CHLSN: variants seen among roughly 807,000 people sequenced by gnomAD.
CHLSN encodes cholesin.
chr7:1,092,245 C>T, the CHLSN span: 1 of 1,612,510 alleles, frequency 6.2e-7, no homozygotes, highest in Non-Finnish European at 8.5e-7. Flanking sequence ...CACCAAGCAC[C>T]ACGCCCGGCT....
At chr7:1,132,574 G>T in the CHLSN span, among the ~76,000 whole-genome samples, 1 of 151,782 alleles carries the variant, frequency 6.6e-6, no homozygotes, top group Non-Finnish European at 1.5e-5. Flanking sequence ...CACACCTGTA[G>T]TCCCAGCTAC....
the CHLSN span, among the ~76,000 whole-genome samples, chr7:1,051,030 G>A: frequency 1.1e-4 from 16 of 152,340 alleles, no homozygotes; most frequent in East Asian, 3.9e-4. Context: ...GTGGGAGTGC[G>A]CAGCCCCGCA....
the CHLSN span, chr7:1,074,430 C>T: frequency 1.3e-5 from 2 of 150,774 alleles, no homozygotes; most frequent in South Asian, 2.1e-4. Context: ...GCAATTTCCT[C>T]ATCTACAAAA....
chr7:1,109,533 G>GC, the CHLSN span: 4 of 152,330 alleles, frequency 2.6e-5, no homozygotes, highest in African/African-American at 9.6e-5. Context: ...CATTTCACTT[G>GC]CAGCTCAGCA....
At chr7:1,045,872 G>A in the CHLSN span, 16,291 of 152,318 alleles carry the variant, frequency 0.11, 1,156 homozygotes, top group Middle Eastern at 0.21. Flanking sequence ...CCGTGCTGGC[G>A]TCCACGTGTC....
the CHLSN span, chr7:983,101 C>A: frequency 1.1e-6 from 1 of 938,208 alleles, no homozygotes; most frequent in Admixed American, 3.7e-5. Flanking sequence ...GTTCCACATT[C>A]TCGGGGTGGT....
chr7:1,123,589 G>A, the CHLSN span, among the ~76,000 whole-genome samples: 1 of 151,892 alleles, frequency 6.6e-6, no homozygotes, highest in Middle Eastern at 3.2e-3. This position sits in a 1 kb window ranked among gnomAD's most constrained non-coding sequence, Gnocchi z 4.4. Context: ...TTCACAAAAC[G>A]CTTGAAACTT....
the CHLSN span, among the ~76,000 whole-genome samples, chr7:998,936 T>A: frequency 5.9e-5 from 9 of 152,232 alleles, no homozygotes; most frequent in Non-Finnish European, 8.8e-5. Context: ...TTTTTGCATA[T>A]GGTTTGAAGC....
chr7:1,123,672 C>T, the CHLSN span, among the ~76,000 whole-genome samples: 462 of 152,100 alleles, frequency 3.0e-3, 7 homozygotes, highest in East Asian at 0.021. This position sits in a 1 kb window ranked among gnomAD's most constrained non-coding sequence, Gnocchi z 4.4. Context: ...AGCAGAGACA[C>T]CCCATTTCAC....
the CHLSN span, among the ~76,000 whole-genome samples, chr7:1,047,598 T>C: frequency 6.6e-6 from 1 of 152,142 alleles, no homozygotes; most frequent in African/African-American, 2.4e-5. Context: ...CATTCCAGAG[T>C]CATTTTGAAA....
the CHLSN span, among the ~76,000 whole-genome samples, chr7:1,055,774 C>T: frequency 0.17 from 25,445 of 152,086 alleles, 2,268 homozygotes; most frequent in African/African-American, 0.19. Flanking sequence ...AGTGAGACAG[C>T]CCTCCCGCTC....
At chr7:1,075,242 G>C in the CHLSN span, among the ~76,000 whole-genome samples, 1 of 152,144 alleles carries the variant, frequency 6.6e-6, no homozygotes, top group East Asian at 1.9e-4. Context: ...GGCCAGGGGC[G>C]GTGGCTCACG....
the CHLSN span, among the ~76,000 whole-genome samples, chr7:1,110,948 A>G: frequency 6.6e-6 from 1 of 152,168 alleles, no homozygotes; most frequent in Non-Finnish European, 1.5e-5. Flanking sequence ...GTGGTGGCAC[A>G]CGCCTGTAGT....
chr7:1,007,167 G>T, the CHLSN span, among the ~76,000 whole-genome samples: 5 of 152,160 alleles, frequency 3.3e-5, no homozygotes, highest in Admixed American at 1.3e-4. Context: ...CACCATGAGG[G>T]CTCACCAGAA....
chr7:1,021,264 G>A, the CHLSN span: 8 of 536,484 alleles, frequency 1.5e-5, no homozygotes, highest in Non-Finnish European at 1.9e-5. Context: ...GGATCTCCCA[G>A]CAGGGACCTC....
the CHLSN span, chr7:1,058,434 C>T: frequency 1.3e-6 from 1 of 780,774 alleles, no homozygotes; most frequent in African/African-American, 1.7e-5. Flanking sequence ...CCCCAGCAAG[C>T]TCCAACGGCT....
At chr7:1,129,440 C>T in the CHLSN span, among the ~76,000 whole-genome samples, 2 of 137,678 alleles carry the variant, frequency 1.5e-5, no homozygotes, top group East Asian at 2.1e-4. Flanking sequence ...CACCGTCACC[C>T]GGGCTGGAGT....
the CHLSN span, among the ~76,000 whole-genome samples, chr7:1,017,232 G>A: frequency 2.0e-4 from 31 of 151,348 alleles, no homozygotes; most frequent in Non-Finnish European, 3.6e-4. Context: ...GCAGAGAAAG[G>A]ACCCACTGTC....
At chr7:1,016,803 CAGCACACACCAGCGCACAG>C in the CHLSN span, among the ~76,000 whole-genome samples, 868 of 123,630 alleles carry the variant, frequency 7.0e-3, 84 homozygotes, top group East Asian at 0.12. Flanking sequence ...CAGCACACAG[CAGCACACACCAGCGCACAG>C]CAGCGCACAG....
Sources: allele counts gnomAD v4.1 joint callset (sites outside exome capture counted in the v4.1 genomes callset), GRCh38; gene constraint gnomAD v4.1.1; non-coding constraint Gnocchi (gnomAD v3.1); transcripts MANE v1.5; gene names NCBI Gene and HGNC (gene_info 2026-07-23, HGNC 2026-07-21).